Variants in SF3A3 observed in about 807,000 individuals in gnomAD.
The protein encoded by SF3A3 is SAP 61.
A neutral mutation model predicts 85.8 loss-of-function variants in SF3A3; 9 were observed. The observed-to-expected ratio is 0.10, with a 90% CI of 0.06 to 0.18. The LOEUF (loss-of-function observed/expected upper bound fraction) is 0.18. Ranked by LOEUF, SF3A3 falls within the 10% of genes least tolerant of loss-of-function variation. The probability of loss-of-function intolerance (pLI) is 1.00; values close to 1 mark genes in which losing one functional copy is unlikely to be tolerated. For missense variants in SF3A3, 306 were observed against 593.3 expected, an observed-to-expected ratio of 0.52 and a Z score of 5.03; for synonymous variants, 195 against 204.4, an observed-to-expected ratio of 0.95 and a Z score of 0.39.
chr1:37,987,435 C>T (rs1570472184), intron 4 of SF3A3, 138 bp downstream of exon 4: 1 of 669,090 alleles, frequency 1.5e-6, no homozygotes, highest in East Asian at 2.6e-5. Context: ...AGGATGTCAG[C>T]TAACTATGGT....
chr1:37,979,201 G>C, intron 9 of SF3A3, 146 bp from the exon 10 acceptor site: 1 of 678,070 alleles, frequency 1.5e-6, no homozygotes, highest in Non-Finnish European at 2.6e-6. Context: ...ACTCTCCAGA[G>C]GACTGAATCT....
intron 2 of SF3A3, among the ~76,000 whole-genome samples, chr1:37,988,857 T>TTGTG (rs547811229): frequency 0.02 from 2,972 of 146,666 alleles, 60 homozygotes; most frequent in African/African-American, 0.05. Context: ...ACGGGGTGTG[T>TTGTG]TGTGTGTGTG....
intron 6 of SF3A3, 136 bp from the exon 7 acceptor site, chr1:37,981,947 T>C: frequency 1.7e-6 from 1 of 578,944 alleles, no homozygotes; most frequent in Non-Finnish European, 3.0e-6. Flanking sequence ...ATTTTGGTTT[T>C]TTTTGCTTGC....
At chr1:37,979,370 A>G (rs1646401515) in intron 9 of SF3A3, 95 bp downstream of exon 9, 3 of 970,024 alleles carry the variant, frequency 3.1e-6, no homozygotes, top group Middle Eastern at 2.1e-4. Context: ...ATAGTGCCTT[A>G]TCACAACACA....
At chr1:37,982,342 T>C (rs779175399) in intron 6 of SF3A3, among the ~76,000 whole-genome samples, 1 of 152,052 alleles carries the variant, frequency 6.6e-6, no homozygotes, top group Non-Finnish European at 1.5e-5. Context: ...TTTGAGATTG[T>C]CATATTAAAC....
intron 12 of SF3A3, among the ~76,000 whole-genome samples, chr1:37,973,822 GAACC>G (rs1646360019): frequency 6.6e-6 from 1 of 152,112 alleles, no homozygotes; most frequent in Non-Finnish European, 1.5e-5. Flanking sequence ...TAAAGACTTG[GAACC>G]AACCCAAATG....
intron 12 of SF3A3, among the ~76,000 whole-genome samples, chr1:37,974,715 A>C (rs537983068): frequency 3.9e-5 from 6 of 152,184 alleles, no homozygotes; most frequent in Non-Finnish European, 7.3e-5. Flanking sequence ...ACGCTATCCT[A>C]CTTAAGAGAA....
chr1:37,978,608 G>A, intron 11 of SF3A3, 112 bp downstream of exon 11: 1 of 652,958 alleles, frequency 1.5e-6, no homozygotes, highest in Non-Finnish European at 2.7e-6. Context: ...CTGGATCTCT[G>A]TCAACCAATA....
Position 37,965,312 on chromosome 1 carries a change from A to AAG in SF3A3, c.1372+2731_1372+2732insCT, listed in dbSNP as rs1646291403. On this transcript the variant is annotated intron_variant, in intron 15 of 16. Transcript: ENST00000373019. ...GAAACCCCATCGGCACAAAAAAAAA[A>AAG]AAAAAAAGAAAATAAACTCAGAATA... is the stretch of plus-strand genomic sequence containing the variant. 1.4e-5 allele frequency among the ~76,000 whole-genome samples: 2 copies of AAG among 142,866 alleles called. 1 individual carries two copies. The highest frequency in any genetic ancestry group is 3.0e-5 in the Non-Finnish European group (2 of 66,298). 93.7% of individuals were successfully genotyped at this position (142,866 alleles called of 152,430 possible).
At chr1:37,979,719 T>C (rs527236593) in intron 8 of SF3A3, among the ~76,000 whole-genome samples, 186 bp from the exon 9 acceptor site, 78 of 152,222 alleles carry the variant, frequency 5.1e-4, no homozygotes, top group African/African-American at 1.7e-3. Context: ...TAGCTGGGCA[T>C]GATGGCATGT....
chr1:37,979,736 G>T (rs11806273), intron 8 of SF3A3, among the ~76,000 whole-genome samples: 1,800 of 152,190 alleles, frequency 0.012, 43 homozygotes, highest in African/African-American at 0.042. Context: ...ATGTGCCTGT[G>T]GTCCCAGCTA....
chr1:37,973,034 C>G (rs1389204958), intron 12 of SF3A3, among the ~76,000 whole-genome samples: 1 of 152,000 alleles, frequency 6.6e-6, no homozygotes, highest in Non-Finnish European at 1.5e-5. Context: ...ACAAAATTAA[C>G]TGGGCATGGT....
At chr1:37,967,911 T>C (rs1488078719) in intron 15 of SF3A3, 133 bp downstream of exon 15, 6 of 664,734 alleles carry the variant, frequency 9.0e-6, no homozygotes, top group South Asian at 1.8e-5. Flanking sequence ...GCAATAATTA[T>C]ACAACTGTCC....
At chr1:37,987,475 G>T in intron 4 of SF3A3, 98 bp downstream of exon 4, 2 of 849,152 alleles carry the variant, frequency 2.4e-6, no homozygotes, top group East Asian at 2.4e-5. Flanking sequence ...GTTCTTTCTT[G>T]AAGTGCATTT....
chr1:37,975,941 G>A (rs532505798), intron 12 of SF3A3, among the ~76,000 whole-genome samples: 19 of 152,276 alleles, frequency 1.2e-4, no homozygotes, highest in African/African-American at 4.6e-4. Context: ...CGGATCACGA[G>A]GTCAGGATTT....
intron 7 of SF3A3, 125 bp from the exon 8 acceptor site, chr1:37,980,849 T>C: frequency 1.5e-6 from 1 of 682,270 alleles, no homozygotes; most frequent in Non-Finnish European, 2.1e-6. Flanking sequence ...CTCTTTTTTT[T>C]TTTTTTTTTT....
At chr1:37,984,669 T>G (rs774164203) in intron 5 of SF3A3, 38 bp downstream of exon 5, 1 of 1,346,460 alleles carries the variant, frequency 7.4e-7, no homozygotes, top group Admixed American at 1.7e-5. Context: ...TAACCTGTAT[T>G]TTTGCTGGTG....
At chr1:37,972,412 G>T (rs1390331647) in intron 12 of SF3A3, among the ~76,000 whole-genome samples, 1 of 152,190 alleles carries the variant, frequency 6.6e-6, no homozygotes, top group African/African-American at 2.4e-5. Context: ...AATCAATATT[G>T]TGAAAATGGC....
rs1353101276 is a variant in SF3A3, at chr1:37,959,236, T to A, written c.1428+884A>T. ...TGGGACCACAGGCATGTGCCACCAC[T>A]CCCCGCTAATTATTGTATTTTTTGT... On this transcript the variant is annotated intron_variant, in intron 16 of 16. Transcript: ENST00000373019. Among the ~76,000 whole-genome samples the A allele has an allele frequency of 3.3e-5, 5 of 151,818 alleles. No individual in the cohort carries two copies. The East Asian group carries it at 9.7e-4, about 30-fold the overall frequency.
Sources: gnomAD v4.1 joint callset for allele counts (sites outside exome capture counted in the v4.1 genomes callset) on GRCh38, gnomAD v4.1.1 for gene constraint, MANE v1.5 for transcripts, NCBI Gene and HGNC (gene_info 2026-07-23, HGNC 2026-07-21) for gene names.